The following EYA3 variants were observed in gnomAD, a reference collection of about 807,000 sequenced individuals.
The protein encoded by EYA3 is protein phosphatase EYA3.
Under a neutral mutation model 80.0 loss-of-function variants are expected in EYA3, and 39 were observed. The observed-to-expected ratio is 0.49, with a 90% CI of 0.38 to 0.64. EYA3 has a LOEUF of 0.64. Ranked by LOEUF, EYA3 falls within the 30% of genes least tolerant of loss-of-function variation. The pLI, the probability that EYA3 is intolerant of heterozygous loss-of-function variation, is 0.00. For synonymous variants in EYA3, 206 were observed against 232.8 expected (o/e 0.88, Z 1.05); for missense variants, 523 against 676.1 (o/e 0.77, Z 2.51).
At chr1:27,984,164 G>A (rs966859639) in intron 16 of EYA3, among the ~76,000 whole-genome samples, 1 of 152,100 alleles carries the variant, frequency 6.6e-6, no homozygotes, top group African/African-American at 2.4e-5. Context: ...AGCCTCTTGA[G>A]TAGCTGGGAT....
At chr1:28,063,676 A>G (rs1032324939) in intron 1 of EYA3, among the ~76,000 whole-genome samples, 11 of 152,132 alleles carry the variant, frequency 7.2e-5, no homozygotes, top group African/African-American at 2.4e-4. Context: ...TGATTTTCCA[A>G]TAATAATAAT....
intron 1 of EYA3, among the ~76,000 whole-genome samples, chr1:28,061,984 A>G (rs983439394): frequency 6.6e-6 from 1 of 152,210 alleles, no homozygotes; most frequent in African/African-American, 2.4e-5. Flanking sequence ...ATCTTTTAAA[A>G]TATCAAGTAA....
chr1:28,055,752 T>A (rs552434493), intron 2 of EYA3, among the ~76,000 whole-genome samples: 1 of 152,260 alleles, frequency 6.6e-6, no homozygotes, highest in East Asian at 1.9e-4. Flanking sequence ...ATTACAGGCA[T>A]GAGCCACTAC....
chr1:27,999,918 G>A (rs2148754537), intron 12 of EYA3, 42 bp downstream of exon 12: 1 of 1,346,876 alleles, frequency 7.4e-7, no homozygotes, highest in South Asian at 1.3e-5. Flanking sequence ...GTTATTGAAT[G>A]AAGTGTCTCA....
intron 14 of EYA3, among the ~76,000 whole-genome samples, chr1:27,991,497 A>C (rs1326142563): frequency 6.6e-6 from 1 of 152,190 alleles, no homozygotes; most frequent in Non-Finnish European, 1.5e-5. Flanking sequence ...TCAAGCAGTA[A>C]ATCTGGATCT....
chr1:28,075,064 C>A (rs1392545487), intron 1 of EYA3, among the ~76,000 whole-genome samples: 6 of 152,158 alleles, frequency 3.9e-5, no homozygotes, highest in Non-Finnish European at 7.4e-5. Context: ...TGTGTTAGGG[C>A]ATACCTTTCA....
intron 13 of EYA3, among the ~76,000 whole-genome samples, chr1:27,995,266 G>T (rs1352037109): frequency 2.0e-5 from 3 of 151,584 alleles, no homozygotes; most frequent in Non-Finnish European, 2.9e-5. Flanking sequence ...GGAAATATTA[G>T]CTGGGTATGG....
At chr1:28,057,947 A>G in intron 2 of EYA3, 47 bp downstream of exon 2, 3 of 1,140,370 alleles carry the variant, frequency 2.6e-6, no homozygotes, top group Non-Finnish European at 3.8e-6. Flanking sequence ...ATCTCTTAAG[A>G]TTAGCTCTTC....
At position 28,013,075 on chromosome 1, in the gene EYA3, A is replaced by T; in HGVS notation, c.769+36T>A. ...CTAAAAACAACTGTTGGATGAAGTG[A>T]CCTTAAGCCAAAGTTTTCAGAGCTG... On this transcript the variant is annotated intron_variant, in intron 9 of 17. Transcript: ENST00000373871. The surrounding 1 kb of genome is among the most constrained non-coding windows in gnomAD (Gnocchi z 4.0). 1 of 1,588,956 alleles carries T rather than the reference A, an allele frequency of 6.3e-7. No homozygotes were observed. Among genetic ancestry groups the T allele is most frequent in the Non-Finnish European group, 8.6e-7 (1 of 1,168,440 alleles).
intron 7 of EYA3, among the ~76,000 whole-genome samples, chr1:28,017,650 C>T (rs1458097700): frequency 1.3e-5 from 2 of 152,184 alleles, no homozygotes. Context: ...ATATTGTTTG[C>T]TGTCACTTGC....
At chr1:27,977,708 C>T (rs1639017579) in intron 17 of EYA3, among the ~76,000 whole-genome samples, 1 of 151,944 alleles carries the variant, frequency 6.6e-6, no homozygotes, top group Non-Finnish European at 1.5e-5. Flanking sequence ...ATTAGTTGGG[C>T]ATGGTGGCGG....
chr1:28,085,154 A>G (rs540264793), intron 1 of EYA3, among the ~76,000 whole-genome samples: 62 of 152,268 alleles, frequency 4.1e-4, no homozygotes, highest in Admixed American at 1.6e-3. Context: ...TTAAATTTTC[A>G]AAACTACATC....
chr1:28,033,823 T>A (rs1047248674), intron 6 of EYA3, among the ~76,000 whole-genome samples: 1 of 2,540 alleles, frequency 3.9e-4, no homozygotes, highest in Non-Finnish European at 0.021. Flanking sequence ...CCCGGCTAAT[T>A]TTTTTTTTGT....
intron 11 of EYA3, among the ~76,000 whole-genome samples, chr1:28,003,227 G>A (rs1319421908): frequency 4.6e-5 from 7 of 151,812 alleles, no homozygotes; most frequent in Non-Finnish European, 4.4e-5. Context: ...CTGAGATCAC[G>A]CCATTGCACT....
At chr1:28,083,223 G>GT (rs1645494357) in intron 1 of EYA3, among the ~76,000 whole-genome samples, 1 of 152,142 alleles carries the variant, frequency 6.6e-6, no homozygotes, top group African/African-American at 2.4e-5. Flanking sequence ...AATGGAGATA[G>GT]TAAGAAGAGT....
intron 1 of EYA3, among the ~76,000 whole-genome samples, chr1:28,058,862 CAA>C (rs1423203597): frequency 6.6e-6 from 1 of 152,024 alleles, no homozygotes; most frequent in Non-Finnish European, 1.5e-5. Flanking sequence ...TGACAGGAGA[CAA>C]AGAGACAAAA....
intron 7 of EYA3, among the ~76,000 whole-genome samples, chr1:28,020,667 CGTGTGTGTGTGTGTGT>C (rs56017264): frequency 6.0e-4 from 81 of 134,562 alleles, no homozygotes; most frequent in African/African-American, 1.3e-3. Flanking sequence ...TACAGATCAT[CGTGTGTGTGTGTGTGT>C]GTGTGTGTGT....
chr1:28,084,466 A>G (rs560887724), intron 1 of EYA3, among the ~76,000 whole-genome samples: 128 of 148,248 alleles, frequency 8.6e-4, no homozygotes, highest in African/African-American at 3.0e-3. Flanking sequence ...CAGAAAGTCC[A>G]CCTATTTTCC....
chr1:28,065,026 A>G (rs1256118818), intron 1 of EYA3, among the ~76,000 whole-genome samples: 1 of 152,248 alleles, frequency 6.6e-6, no homozygotes, highest in Non-Finnish European at 1.5e-5. Flanking sequence ...ACTGAATTGT[A>G]TACAGTAGTC....
Sources: gnomAD v4.1 joint callset for allele counts (sites outside exome capture counted in the v4.1 genomes callset) on GRCh38, gnomAD v4.1.1 for gene constraint, Gnocchi (gnomAD v3.1) non-coding constraint, MANE v1.5 for transcripts, NCBI Gene and HGNC (gene_info 2026-07-23, HGNC 2026-07-21) for gene names.